The following FRY variants were observed in gnomAD, a reference collection of about 807,000 sequenced individuals.
FRY encodes FRY microtubule binding protein.
Under a neutral mutation model 348.4 loss-of-function variants are expected in FRY, and 128 were observed. That is an observed-to-expected ratio of 0.37 (90% CI 0.32 to 0.43). The LOEUF (loss-of-function observed/expected upper bound fraction) is 0.43, where lower values mean the gene tolerates loss of function less well. FRY is among the 20% of genes least tolerant of loss of function. FRY has a pLI of 1.00. For synonymous variants in FRY, 1,370 were observed against 1,374.7 expected (o/e 1.00, Z 0.08); for missense variants, 2,736 against 3,695.2 (o/e 0.74, Z 6.73).
intron 46 of FRY, 146 bp from the exon 47 acceptor site, chr13:32,243,896 A>G (rs1269177634): frequency 1.2e-6 from 1 of 829,080 alleles, no homozygotes; most frequent in Non-Finnish European, 1.9e-6. Context: ...GTTCGAGACT[A>G]GGCTGGGCAA....
At chr13:32,157,520 T>A in intron 16 of FRY, 115 bp downstream of exon 16, 1 of 851,296 alleles carries the variant, frequency 1.2e-6, no homozygotes, top group Non-Finnish European at 1.7e-6. Context: ...TAAAAAGTAG[T>A]AAAGATAGTT....
At chr13:32,240,859 C>T (rs199859799) in intron 46 of FRY, among the ~76,000 whole-genome samples, 1 of 152,134 alleles carries the variant, frequency 6.6e-6, no homozygotes, top group East Asian at 1.9e-4. Flanking sequence ...TAAAAATCAG[C>T]CATTTTCTCA....
At chr13:32,101,284 A>G (rs2138630941) in intron 2 of FRY, among the ~76,000 whole-genome samples, 1 of 152,308 alleles carries the variant, frequency 6.6e-6, no homozygotes, top group African/African-American at 2.4e-5. Flanking sequence ...CATGTTGTCA[A>G]AAATAACAGG....
intron 11 of FRY, among the ~76,000 whole-genome samples, chr13:32,144,461 G>A (rs1880278391): frequency 6.6e-6 from 1 of 151,082 alleles, no homozygotes; most frequent in Admixed American, 6.6e-5. Context: ...AGACAGACTA[G>A]TAGAACAAAA....
rs1459604946 is a variant in FRY, at chr13:32,101,943, T to C, written c.271-20T>C. The C allele has an allele frequency of 1.5e-6, 2 of 1,303,948 alleles. No individual in the cohort carries two copies. The highest frequency in any genetic ancestry group is 2.2e-6 in the Non-Finnish European group (2 of 897,252). The allele number at this position is 1,303,948 out of a possible 1,614,324, so 80.8% of individuals were successfully genotyped here. ...AGAGACTCTAATAATTATTCTTGCA[T>C]ATATTCTTTTTCTTTCTAGGAAAAG... On this transcript the variant is annotated intron_variant, in intron 2 of 60. Coordinates refer to ENST00000542859, the MANE Select transcript of FRY (RefSeq NM_023037.3).
At chr13:32,079,255 G>A (rs1047405029) in intron 2 of FRY, among the ~76,000 whole-genome samples, 2 of 152,136 alleles carry the variant, frequency 1.3e-5, no homozygotes, top group African/African-American at 4.8e-5. Context: ...ATACTATTCA[G>A]TAGCATGCTT....
At chr13:32,240,927 A>G (rs1886466569) in intron 46 of FRY, among the ~76,000 whole-genome samples, 1 of 152,348 alleles carries the variant, frequency 6.6e-6, no homozygotes, top group Middle Eastern at 3.4e-3. Context: ...CCATCCATCA[A>G]CATTTATAGT....
chr13:32,279,014 G>C (rs1888685383), intron 58 of FRY, among the ~76,000 whole-genome samples: 1 of 152,184 alleles, frequency 6.6e-6, no homozygotes, highest in Non-Finnish European at 1.5e-5. Context: ...AGTAAGAATG[G>C]ATGAAAATCA....
intron 1 of FRY, among the ~76,000 whole-genome samples, chr13:32,071,746 G>A (rs1382564642): frequency 6.6e-6 from 1 of 152,086 alleles, no homozygotes; most frequent in African/African-American, 2.4e-5. Flanking sequence ...ATTGGGAGTT[G>A]CTAATCAGTG....
At chr13:32,158,462 A>G (rs1223617517) in intron 16 of FRY, among the ~76,000 whole-genome samples, 3 of 152,246 alleles carry the variant, frequency 2.0e-5, no homozygotes, top group African/African-American at 7.2e-5. Context: ...CCGAAATAAT[A>G]GCAGAATTTA....
chr13:32,228,584 G>A lies in FRY; in HGVS notation c.5335G>A (p.Val1779Ile), dbSNP rs748528964. ...SGNLPQMTQE[V>I]EDVDTAAETD... Reference sequence around the variant, plus strand: ...AAACCTCCCACAGATGACCCAGGAGGTAGAAGATGTGGACACAGCTGCTGA... The same window carrying A: ...AAACCTCCCACAGATGACCCAGGAGATAGAAGATGTGGACACAGCTGCTGA... Residue 1779 changes from valine to isoleucine, a missense_variant, in exon 40 of 61, where the codon GTA becomes ATA. Around this residue, in one of 9 missense-constraint regions of FRY, gnomAD observed 794 missense variants for 977.0 expected, o/e 0.81. Coordinates refer to ENST00000542859, the MANE Select transcript of FRY (RefSeq NM_023037.3). 9 of 1,613,984 alleles carry A rather than the reference G, an allele frequency of 5.6e-6. No homozygotes were observed. The highest frequency in any genetic ancestry group is 3.3e-4 in the Middle Eastern group (2 of 6,082).
Position 32,234,691 on chromosome 13 carries a change from C to G in FRY, c.5645C>G (p.Ser1882Ter). The G allele has an allele frequency of 6.2e-7, 1 of 1,614,104 alleles. No individual in the cohort carries two copies. Among genetic ancestry groups the G allele is most frequent in the Non-Finnish European group, 8.5e-7 (1 of 1,179,986 alleles). The change falls in exon 42 of 61, where the codon TCA becomes TGA. Residue 1882 changes from serine to a stop codon, truncating the protein, a stop_gained. Coordinates refer to ENST00000542859, the MANE Select transcript of FRY (RefSeq NM_023037.3). LOFTEE classifies it high-confidence loss of function. ...TTCCGGGCCCTCAAGCAACCTCTGT[C>G]AGCACATGCCTTATCTGACCTTCTC... ...QIFRALKQPL[S>*]AHALSDLLSR...
At chr13:32,095,227 G>A (rs186398679) in intron 2 of FRY, among the ~76,000 whole-genome samples, 2 of 151,114 alleles carry the variant, frequency 1.3e-5, no homozygotes, top group Admixed American at 6.6e-5. Flanking sequence ...TTTGAACTCC[G>A]TGTATATTTT....
At chr13:32,251,730 G>T in intron 49 of FRY, 148 bp from the exon 50 acceptor site, 2 of 661,402 alleles carry the variant, frequency 3.0e-6, no homozygotes, top group Admixed American at 2.3e-5. Context: ...ATTGCTATTT[G>T]TGTTCTTTTT....
chr13:32,066,746 A>G (rs1375166413), intron 1 of FRY, among the ~76,000 whole-genome samples: 1 of 152,214 alleles, frequency 6.6e-6, no homozygotes, highest in Non-Finnish European at 1.5e-5. Flanking sequence ...TGAGATCAGC[A>G]TTCTTTCCAG....
intron 37 of FRY, 27 bp downstream of exon 37, chr13:32,224,412 A>T (rs1885477198): frequency 6.2e-7 from 1 of 1,610,434 alleles, no homozygotes; most frequent in East Asian, 2.2e-5. Context: ...GGGAGAAGGA[A>T]ATCTTAGCTT....
At chr13:32,214,796 C>T (rs1401713685) in intron 35 of FRY, among the ~76,000 whole-genome samples, 1 of 152,178 alleles carries the variant, frequency 6.6e-6, no homozygotes, top group Non-Finnish European at 1.5e-5. Flanking sequence ...TGTTCAGAAA[C>T]ACCACCCCAG....
At chr13:32,047,961 A>G (rs1407119884) in intron 1 of FRY, among the ~76,000 whole-genome samples, 2 of 152,148 alleles carry the variant, frequency 1.3e-5, no homozygotes, top group East Asian at 3.9e-4. Context: ...TCCTGTGTGT[A>G]TGAGTTTCAC....
intron 2 of FRY, chr13:32,085,851 T>C (rs1315384738): frequency 1.9e-6 from 1 of 518,876 alleles, no homozygotes; most frequent in Non-Finnish European, 3.8e-6. Flanking sequence ...GCCATGGCAT[T>C]GACAGAGACA....
Sources: gnomAD v4.1 joint callset for allele counts (sites outside exome capture counted in the v4.1 genomes callset) on GRCh38, gnomAD v4.1.1 for gene constraint, gnomAD v4.1.1 regional missense constraint, MANE v1.5 for transcripts, NCBI Gene and HGNC (gene_info 2026-07-23, HGNC 2026-07-21) for gene names.